The following A2ML1 variants were observed in gnomAD, a reference collection of about 807,000 sequenced individuals.
A2ML1 encodes alpha-2-macroglobulin-like protein 1.
In A2ML1, 161 loss-of-function variants were observed where a neutral mutation model predicts 181.9. The observed-to-expected ratio is 0.89, with a 90% CI of 0.78 to 1.01. A2ML1 has a LOEUF of 1.01. Ranked by LOEUF, A2ML1 falls within the 50% of genes least tolerant of loss-of-function variation. The pLI, the probability that A2ML1 is intolerant of heterozygous loss-of-function variation, is 0.00. For missense variants in A2ML1, 1,670 were observed against 1,768.1 expected (o/e 0.94, Z 1.00); for synonymous variants, 663 against 666.8 (o/e 0.99, Z 0.09).
chr12:8,855,360 A>G, intron 22 of A2ML1, 149 bp from the exon 23 acceptor site: 7 of 663,354 alleles, frequency 1.1e-5, no homozygotes, highest in South Asian at 9.2e-5. Flanking sequence ...CAAGATCACT[A>G]TGAATAGTAC....
intron 33 of A2ML1, among the ~76,000 whole-genome samples, chr12:8,870,955 T>C (rs1944602696): frequency 6.6e-6 from 1 of 152,240 alleles, no homozygotes. Context: ...CTTTTCTGTG[T>C]GTCTTCTCCC....
rs377555263 is a variant in A2ML1, at chr12:8,847,568, C to A, written c.1703C>A (p.Pro568His). ...FDNQVSLGFSPSQQLPGAEVE... is the reference protein window; with the variant it reads ...FDNQVSLGFSHSQQLPGAEVE... ...CCCCAGGTTTCCCTTGGCTTCTCCC[C>A]CTCCCAGCAGCTTCCAGGAGCAGAA... Residue 568 changes from proline (P) to histidine (H), a missense_variant, in exon 15 of 36, where the codon CCC becomes CAC. Physicochemically the swap from Pro to His is moderately conservative, Grantham distance 77. Coordinates refer to ENST00000299698, the MANE Select transcript of A2ML1 (RefSeq NM_144670.6). The A allele has an allele frequency of 1.9e-6, 3 of 1,611,940 alleles. No individual in the cohort carries two copies. Among genetic ancestry groups the A allele is most frequent in the South Asian group, 1.1e-5 (1 of 90,670 alleles).
chr12:8,865,518 A>G (rs894062708), intron 29 of A2ML1, among the ~76,000 whole-genome samples: 4 of 152,232 alleles, frequency 2.6e-5, no homozygotes, highest in African/African-American at 7.2e-5. Context: ...CAGCCTGGGC[A>G]ACAAGAGTTA....
Position 8,843,780 on chromosome 12 carries a change from G to A in A2ML1, c.1476+419G>A, listed in dbSNP as rs140282166. Among the ~76,000 whole-genome samples the A allele has an allele frequency of 5.3e-3, 785 of 147,908 alleles. 7 individuals carry two copies. The highest frequency in any genetic ancestry group is 0.017 in the African/African-American group (690 of 40,186). On this transcript the variant is annotated intron_variant, in intron 12 of 35. Coordinates refer to ENST00000299698, the MANE Select transcript of A2ML1 (RefSeq NM_144670.6). ...GTTGCCCAGGCTGGAGTGCAGTGGT[G>A]TGTTCTTGGCTCACTGCAAGCTCCA... is the stretch of plus-strand genomic sequence containing the variant.
intron 33 of A2ML1, among the ~76,000 whole-genome samples, chr12:8,872,020 G>A (rs1167283630): frequency 3.3e-5 from 5 of 151,918 alleles, no homozygotes; most frequent in Non-Finnish European, 4.4e-5. Context: ...TGTACTAAAG[G>A]TACAAAAAGT....
intron 5 of A2ML1, 30 bp from the exon 6 acceptor site, chr12:8,835,477 G>C: frequency 6.2e-7 from 1 of 1,612,096 alleles, no homozygotes; most frequent in African/African-American, 1.3e-5. Flanking sequence ...CAAACGGGCA[G>C]GCACATCATG....
At chr12:8,854,335 C>T in intron 21 of A2ML1, 86 bp downstream of exon 21, 1 of 1,490,640 alleles carries the variant, frequency 6.7e-7, no homozygotes, top group Non-Finnish European at 8.9e-7. Flanking sequence ...CTCACAGCAA[C>T]CATACTCCAG....
downstream of A2ML1, among the ~76,000 whole-genome samples, chr12:8,877,149 G>C (rs919924970): frequency 1.3e-5 from 2 of 152,110 alleles, no homozygotes; most frequent in African/African-American, 4.8e-5. Flanking sequence ...CTTTTGTTTT[G>C]GAAACAGGTT....
intron 28 of A2ML1, among the ~76,000 whole-genome samples, chr12:8,863,314 C>T (rs183773144): frequency 6.6e-6 from 1 of 152,144 alleles, no homozygotes; most frequent in East Asian, 1.9e-4. Context: ...CCATGTTGGT[C>T]AGGCTGGTCT....
At chr12:8,847,955 C>T (rs1373787784) in intron 15 of A2ML1, among the ~76,000 whole-genome samples, 1 of 147,526 alleles carries the variant, frequency 6.8e-6, no homozygotes, top group African/African-American at 2.5e-5. Context: ...GCCTGACCAA[C>T]ATGGAGAAAC....
At chr12:8,860,100 G>A (rs1944203335) in intron 26 of A2ML1, among the ~76,000 whole-genome samples, 1 of 152,014 alleles carries the variant, frequency 6.6e-6, no homozygotes, top group African/African-American at 2.4e-5. Context: ...AAGTGCAGTG[G>A]CACGATCATG....
intron 28 of A2ML1, among the ~76,000 whole-genome samples, chr12:8,861,925 A>T (rs1269784135): frequency 6.6e-6 from 1 of 151,352 alleles, no homozygotes; most frequent in East Asian, 2.0e-4. Flanking sequence ...ATGCACAGCT[A>T]ATTTTTGTAT....
intron 30 of A2ML1, 69 bp downstream of exon 30, chr12:8,868,126 C>A (rs1944484666): frequency 6.2e-7 from 1 of 1,607,764 alleles, no homozygotes; most frequent in Non-Finnish European, 8.5e-7. Context: ...CCCCTTAGGC[C>A]TTCTCTCTCT....
intron 31 of A2ML1, 76 bp from the exon 32 acceptor site, chr12:8,868,461 T>TGTGC (rs1389734077): frequency 2.8e-5 from 44 of 1,577,262 alleles, no homozygotes; most frequent in Admixed American, 3.4e-5. Flanking sequence ...TGTGTACGTG[T>TGTGC]GTGTGTGTGT....
intron 28 of A2ML1, 66 bp downstream of exon 28, chr12:8,861,363 C>T: frequency 6.5e-7 from 1 of 1,546,474 alleles, no homozygotes; most frequent in South Asian, 1.2e-5. Flanking sequence ...CTATAATCTC[C>T]CTAGTAACCT....
At position 8,863,983 on chromosome 12, in the gene A2ML1, C is replaced by T. The variant is rs757470789; in HGVS notation, c.3692C>T (p.Ala1231Val). ...IVAWLAKQHN[A>V]YGGFSSTQDT... ...GCTTGGTTGGCCAAGCAACACAATG[C>T]ATATGGGGGCTTCTCTTCTACTCAG... The change falls in exon 29 of 36, where the codon GCA (alanine) becomes GTA (valine). Residue 1231 changes from alanine to valine, a missense_variant. Transcript: ENST00000299698. 4 of 1,612,506 alleles carry T rather than the reference C, an allele frequency of 2.5e-6. No homozygotes were observed. In the South Asian group the frequency reaches 3.3e-5, roughly 13 times the overall value.
chr12:8,874,081 T>C (rs1944717875), intron 33 of A2ML1, among the ~76,000 whole-genome samples: 1 of 152,126 alleles, frequency 6.6e-6, no homozygotes, highest in Non-Finnish European at 1.5e-5. Flanking sequence ...AGTGGCGCCA[T>C]CTCGGCTCAC....
At chr12:8,879,849 A>G (rs181340421), downstream of A2ML1, among the ~76,000 whole-genome samples, 162 of 152,328 alleles carry the variant, frequency 1.1e-3, no homozygotes, top group African/African-American at 3.6e-3. Flanking sequence ...ATTAGGTGGC[A>G]TTTAGCATTC....
At chr12:8,882,178 C>G (rs1403391035) in intron 7 of A2ML1, among the ~76,000 whole-genome samples, 1 of 151,992 alleles carries the variant, frequency 6.6e-6, no homozygotes, top group Non-Finnish European at 1.5e-5. Flanking sequence ...TGAGGACTAG[C>G]TAGGGAACAG....
Sources: allele counts gnomAD v4.1 joint callset (sites outside exome capture counted in the v4.1 genomes callset), GRCh38; gene constraint gnomAD v4.1.1; transcripts MANE v1.5; gene names NCBI Gene and HGNC (gene_info 2026-07-23, HGNC 2026-07-21).